The following ADARB2 variants were observed in gnomAD, a reference collection of about 807,000 sequenced individuals.
ADARB2 encodes adenosine deaminase RNA specific B2 (inactive), also known as inactive double-stranded RNA-specific editase B2.
A neutral mutation model predicts 62.2 loss-of-function variants in ADARB2; 25 were observed. The ratio of observed to expected loss-of-function variants is 0.40; its 90% CI spans 0.29 to 0.56. ADARB2 has a LOEUF of 0.56. Ranked by LOEUF, ADARB2 falls within the 20% of genes least tolerant of loss-of-function variation. The pLI, the probability that ADARB2 is intolerant of heterozygous loss-of-function variation, is 0.43. For synonymous variants in ADARB2, 572 were observed against 500.8 expected (o/e 1.14, Z -1.90); for missense variants, 1,071 against 1,077.4 (o/e 0.99, Z 0.08).
At chr10:1,183,817 C>G (rs771869071) in intron 9 of ADARB2, among the ~76,000 whole-genome samples, 22 of 152,258 alleles carry the variant, frequency 1.4e-4, no homozygotes, top group Non-Finnish European at 2.6e-4. Context: ...AGACAGGGAT[C>G]AAATGCAGCT....
intron 3 of ADARB2, among the ~76,000 whole-genome samples, chr10:1,322,236 C>T (rs117706346): frequency 0.031 from 4,777 of 151,904 alleles, 116 homozygotes; most frequent in Non-Finnish European, 0.049. Flanking sequence ...AGGACTCAGC[C>T]CATTTGTTAA....
At chr10:1,595,727 C>G (rs1223178879) in intron 1 of ADARB2, among the ~76,000 whole-genome samples, 1 of 152,206 alleles carries the variant, frequency 6.6e-6, no homozygotes, top group African/African-American at 2.4e-5. Flanking sequence ...ACAATTCAGC[C>G]GAGAGACAAA....
At chr10:1,716,582 T>C (rs1273997225) in intron 1 of ADARB2, among the ~76,000 whole-genome samples, 2 of 152,252 alleles carry the variant, frequency 1.3e-5, no homozygotes. Flanking sequence ...AAACATGGCA[T>C]GTGTCTCTTT....
At chr10:1,373,351 C>T (rs1341969928) in intron 2 of ADARB2, among the ~76,000 whole-genome samples, 2 of 151,976 alleles carry the variant, frequency 1.3e-5, no homozygotes, top group South Asian at 2.1e-4. Flanking sequence ...CACACACGCG[C>T]GTCTTGTTGG....
At chr10:1,601,946 T>C (rs913060270) in intron 1 of ADARB2, among the ~76,000 whole-genome samples, 2 of 152,188 alleles carry the variant, frequency 1.3e-5, no homozygotes, top group African/African-American at 4.8e-5. Flanking sequence ...GCAGAATTCA[T>C]GGACGTTCTT....
intron 1 of ADARB2, among the ~76,000 whole-genome samples, chr10:1,668,135 G>C (rs1349672479): frequency 6.6e-6 from 1 of 152,220 alleles, no homozygotes; most frequent in East Asian, 1.9e-4. Context: ...TTTCTCTCCA[G>C]GCCCTCGCCC....
chr10:1,276,427 GA>G (rs1831317499), intron 3 of ADARB2, among the ~76,000 whole-genome samples: 1 of 152,090 alleles, frequency 6.6e-6, no homozygotes, highest in African/African-American at 2.4e-5. Context: ...CAGATGAGTA[GA>G]TTGCAAAAAT....
rs551061462 is a variant in ADARB2, at chr10:1,648,356, G to A, written c.100+88695C>T. On this transcript the variant is annotated intron_variant, in intron 1 of 9. Coordinates refer to ENST00000381312, the MANE Select transcript of ADARB2 (RefSeq NM_018702.4). ...ACCTTGAAGCTGGGACACAGGAAGA[G>A]CCGTGGGCTTGATTTCCAGCCTCCT... is the stretch of plus-strand genomic sequence containing the variant. Among the ~76,000 whole-genome samples the A allele has an allele frequency of 2.6e-5, 4 of 152,238 alleles. No homozygotes were observed. In the South Asian group the frequency reaches 6.2e-4, roughly 24 times the overall value.
intron 1 of ADARB2, among the ~76,000 whole-genome samples, chr10:1,469,066 C>G (rs1353536202): frequency 6.6e-6 from 1 of 152,166 alleles, no homozygotes; most frequent in Non-Finnish European, 1.5e-5. Context: ...TCAGATTGCC[C>G]TCTAGGAATT....
intron 1 of ADARB2, among the ~76,000 whole-genome samples, chr10:1,434,779 C>T (rs1830816771): frequency 6.6e-6 from 1 of 152,190 alleles, no homozygotes; most frequent in Non-Finnish European, 1.5e-5. Context: ...AGAAGTTCAT[C>T]ACTTATGTCT....
intron 6 of ADARB2, among the ~76,000 whole-genome samples, chr10:1,227,736 C>T (rs1298953884): frequency 6.6e-6 from 1 of 152,026 alleles, no homozygotes; most frequent in African/African-American, 2.4e-5. Flanking sequence ...GAGAGAGCAC[C>T]AAAAATGAAA....
At chr10:1,409,889 A>T (rs1176219772) in intron 1 of ADARB2, among the ~76,000 whole-genome samples, 14 of 67,604 alleles carry the variant, frequency 2.1e-4, no homozygotes, top group African/African-American at 7.3e-4. Flanking sequence ...CTGTGGTCAT[A>T]GGGAAGGATT....
rs960850601 is a variant in ADARB2, at chr10:1,407,212, C to T, written c.101-28052G>A. Among the ~76,000 whole-genome samples the T allele has an allele frequency of 1.6e-4, 24 of 152,180 alleles. 1 individual carries two copies. The highest frequency in any genetic ancestry group is 4.1e-4 in the South Asian group (2 of 4,820). On this transcript the variant is annotated intron_variant, in intron 1 of 9. Transcript: ENST00000381312. ...GGACCCCATACTGATTTGCTGTTCT[C>T]GGGACAGCACAGGAACAGCCGGGCA...
chr10:1,703,107 T>C (rs781660998), intron 1 of ADARB2, among the ~76,000 whole-genome samples: 4 of 152,202 alleles, frequency 2.6e-5, no homozygotes, highest in Admixed American at 6.5e-5. Flanking sequence ...ACTGATTCAC[T>C]GCACATGTAA....
intron 1 of ADARB2, among the ~76,000 whole-genome samples, chr10:1,503,116 T>C (rs1474052945): frequency 6.6e-6 from 1 of 152,230 alleles, no homozygotes; most frequent in East Asian, 1.9e-4. Flanking sequence ...ATTTAGAGCT[T>C]TACTCAGTAA....
chr10:1,627,502 C>G (rs926065263), intron 1 of ADARB2, among the ~76,000 whole-genome samples: 1 of 152,160 alleles, frequency 6.6e-6, no homozygotes, highest in Non-Finnish European at 1.5e-5. Flanking sequence ...TCAGTCCTTG[C>G]ACAGACCCCA....
chr10:1,481,341 A>G (rs1831467969), intron 1 of ADARB2, among the ~76,000 whole-genome samples: 1 of 152,230 alleles, frequency 6.6e-6, no homozygotes, highest in African/African-American at 2.4e-5. Context: ...ACCTAAAACT[A>G]TAGAACTCGT....
chr10:1,660,259 C>T (rs1367125898), intron 1 of ADARB2, among the ~76,000 whole-genome samples: 3 of 152,262 alleles, frequency 2.0e-5, no homozygotes, highest in Admixed American at 2.0e-4. Context: ...CATCAATCCC[C>T]TTCTGCAGGT....
At chr10:1,254,568 G>A (rs548471941) in intron 4 of ADARB2, among the ~76,000 whole-genome samples, 1 of 152,340 alleles carries the variant, frequency 6.6e-6, no homozygotes, top group South Asian at 2.1e-4. Context: ...TGAGGTTCCT[G>A]AAAATCTGTT....
Sources: allele counts gnomAD v4.1 joint callset (sites outside exome capture counted in the v4.1 genomes callset), GRCh38; gene constraint gnomAD v4.1.1; transcripts MANE v1.5; gene names NCBI Gene and HGNC (gene_info 2026-07-23, HGNC 2026-07-21).